Variants in ABCA13 observed in about 807,000 individuals in gnomAD.
ABCA13 encodes ATP-binding cassette sub-family A member 13.
In ABCA13, 476 loss-of-function variants were observed where a neutral mutation model predicts 478.7. The ratio of observed to expected loss-of-function variants is 0.99; its 90% CI spans 0.92 to 1.07. The LOEUF is 1.07. Ranked by LOEUF, ABCA13 falls within the 50% of genes least tolerant of loss-of-function variation. The pLI is 0.00. For missense variants in ABCA13, 6,060 were observed against 5,910.6 expected, an observed-to-expected ratio of 1.03 and a Z score of -0.83; for synonymous variants, 2,252 against 2,158.9, an observed-to-expected ratio of 1.04 and a Z score of -1.20.
intron 53 of ABCA13, among the ~76,000 whole-genome samples, chr7:48,523,541 G>A (rs1299202547): frequency 6.6e-6 from 1 of 151,686 alleles, no homozygotes; most frequent in African/African-American, 2.4e-5. Flanking sequence ...TACTAACTCA[G>A]TCGTTATCAT....
At position 48,239,234 on chromosome 7, in the gene ABCA13, T is replaced by A; in HGVS notation, c.898-7T>A. ...TATGTCTAAATATTTTTTCATATTGTTGTCAGATTCCCACAGACACTTCCT... is the reference window on the plus strand; with the variant it reads ...TATGTCTAAATATTTTTTCATATTGATGTCAGATTCCCACAGACACTTCCT... On this transcript the variant is annotated splice_polypyrimidine_tract_variant and splice_region_variant and intron_variant, in intron 8 of 61. Transcript: ENST00000435803. 6.2e-7 allele frequency: 1 copy of A among 1,613,736 alleles called. No individual in the cohort carries two copies. The highest frequency in any genetic ancestry group is 2.2e-5 in the East Asian group (1 of 44,876).
intron 5 of ABCA13, among the ~76,000 whole-genome samples, chr7:48,226,115 G>T (rs1788171472): frequency 6.6e-6 from 1 of 152,114 alleles, no homozygotes; most frequent in South Asian, 2.1e-4. Context: ...AGAGTGAGGT[G>T]CATAAAGTTG....
chr7:48,626,674 G>A lies in ABCA13; in HGVS notation c.14837+11297G>A, dbSNP rs74797080. Reference sequence around the variant, plus strand: ...AGAAGGCAGCATGGGTGCAGGAGACGCTGAAGAACACGATAATAGAACTTT... The same window carrying A: ...AGAAGGCAGCATGGGTGCAGGAGACACTGAAGAACACGATAATAGAACTTT... On this transcript the variant is annotated intron_variant, in intron 59 of 61. Coordinates refer to ENST00000435803, the MANE Select transcript of ABCA13 (RefSeq NM_152701.5). The A allele has an allele frequency of 3.8e-3, 3,710 of 985,452 alleles. 100 individuals are homozygous for A. In the African/African-American group the frequency reaches 0.058, roughly 15 times the overall value. 61.0% of individuals were successfully genotyped at this position (985,452 alleles called of 1,614,324 possible). A position where few individuals can be genotyped will look rare whatever the true frequency, so the allele number is the denominator to read the frequency against.
At chr7:48,327,554 A>G (rs929963168) in intron 27 of ABCA13, among the ~76,000 whole-genome samples, 1 of 152,234 alleles carries the variant, frequency 6.6e-6, no homozygotes, top group Admixed American at 6.5e-5. Context: ...GGGAGTAGAC[A>G]TTGTTAAATC....
At chr7:48,212,153 G>C (rs1006706933) in intron 3 of ABCA13, among the ~76,000 whole-genome samples, 1 of 152,112 alleles carries the variant, frequency 6.6e-6, no homozygotes, top group African/African-American at 2.4e-5. Flanking sequence ...TCTGGCTCAG[G>C]GCTGGTCTAA....
At chr7:48,245,177 G>GC (rs1234268822) in intron 11 of ABCA13, among the ~76,000 whole-genome samples, 2 of 152,204 alleles carry the variant, frequency 1.3e-5, no homozygotes, top group Non-Finnish European at 2.9e-5. Flanking sequence ...ACTATGGTGA[G>GC]CATTATTCTT....
chr7:48,264,914 T>C (rs1003010642), intron 15 of ABCA13, among the ~76,000 whole-genome samples: 1 of 151,806 alleles, frequency 6.6e-6, no homozygotes, highest in Non-Finnish European at 1.5e-5. Context: ...AATAGATTTA[T>C]GTCCTAAATT....
At chr7:48,490,780 A>AG (rs1829771052) in intron 48 of ABCA13, among the ~76,000 whole-genome samples, 1 of 152,204 alleles carries the variant, frequency 6.6e-6, no homozygotes, top group Non-Finnish European at 1.5e-5. Flanking sequence ...CATGATGAAG[A>AG]GTATGGACTT....
intron 42 of ABCA13, among the ~76,000 whole-genome samples, chr7:48,433,419 G>A (rs757893705): frequency 3.4e-4 from 51 of 149,452 alleles, no homozygotes; most frequent in Non-Finnish European, 5.6e-4. Flanking sequence ...AAATTAACTA[G>A]CAAATGTGTT....
At chr7:48,564,847 T>C (rs907365053) in intron 55 of ABCA13, among the ~76,000 whole-genome samples, 2 of 152,118 alleles carry the variant, frequency 1.3e-5, no homozygotes, top group Non-Finnish European at 2.9e-5. Flanking sequence ...TTACAGACAA[T>C]TGTTATGTGA....
At chr7:48,529,975 G>A (rs1833115214) in intron 55 of ABCA13, among the ~76,000 whole-genome samples, 1 of 152,020 alleles carries the variant, frequency 6.6e-6, no homozygotes, top group South Asian at 2.1e-4. Context: ...ACATGAATAA[G>A]TTCTTTAGTG....
intron 55 of ABCA13, among the ~76,000 whole-genome samples, chr7:48,532,791 G>A (rs1371243859): frequency 2.0e-5 from 3 of 151,994 alleles, no homozygotes; most frequent in Admixed American, 2.0e-4. Context: ...TTATGTGTGT[G>A]AAGGTGTTTA....
chr7:48,361,470 TC>T (rs1810823358), intron 31 of ABCA13, among the ~76,000 whole-genome samples: 3 of 151,922 alleles, frequency 2.0e-5, no homozygotes, highest in Admixed American at 2.0e-4. Flanking sequence ...TTCTGTTTTC[TC>T]AAAGAACCCT....
intron 19 of ABCA13, among the ~76,000 whole-genome samples, chr7:48,285,437 C>T (rs373370174): frequency 3.9e-5 from 6 of 152,246 alleles, no homozygotes; most frequent in African/African-American, 7.2e-5. Context: ...TTGTTAGTGT[C>T]GAGACAGTTG....
At chr7:48,172,412 T>C (rs1794209983) in intron 1 of ABCA13, among the ~76,000 whole-genome samples, 1 of 152,230 alleles carries the variant, frequency 6.6e-6, no homozygotes, top group Non-Finnish European at 1.5e-5. Flanking sequence ...TCTATCTCTC[T>C]GTCTTGAAAT....
At chr7:48,522,003 G>A (rs1244968304) in intron 53 of ABCA13, among the ~76,000 whole-genome samples, 1 of 151,938 alleles carries the variant, frequency 6.6e-6, no homozygotes, top group Non-Finnish European at 1.5e-5. Context: ...GGTGCCTTCT[G>A]CTCAGTGAAG....
chr7:48,615,574 G>A (rs1032033085), intron 59 of ABCA13, among the ~76,000 whole-genome samples, 197 bp downstream of exon 59: 2 of 144,894 alleles, frequency 1.4e-5, no homozygotes, highest in Non-Finnish European at 3.0e-5. Flanking sequence ...ACAGTCTAGT[G>A]TTCTCCCTGT....
rs1322751537 is a variant in ABCA13, at chr7:48,279,662, T to C, written c.8468T>C (p.Ile2823Thr). 6.2e-7 allele frequency: 1 copy of C among 1,613,542 alleles called. No homozygotes were observed. Among genetic ancestry groups the C allele is most frequent in the South Asian group, 1.1e-5 (1 of 90,970 alleles). ...GCAATCCATAATGTTTTAAGTAGAA[T>C]AGCTCTCTGGAGGAAAGGACTTCTG... is the stretch of plus-strand genomic sequence containing the variant. The part of the protein sequence containing the change: ...EKAIHNVLSR[I>T]ALWRKGLLFN... The change falls in exon 18 of 62, where the codon ATA becomes ACA. Residue 2823 changes from isoleucine to threonine, a missense_variant. Coordinates refer to ENST00000435803, the MANE Select transcript of ABCA13 (RefSeq NM_152701.5).
chr7:48,424,523 G>T (rs1389682644), intron 41 of ABCA13, among the ~76,000 whole-genome samples: 1 of 152,254 alleles, frequency 6.6e-6, no homozygotes, highest in Non-Finnish European at 1.5e-5. Context: ...ATTATTTGAG[G>T]ACCTGCTGTA....
Sources: gnomAD v4.1 joint callset for allele counts (sites outside exome capture counted in the v4.1 genomes callset) on GRCh38, gnomAD v4.1.1 for gene constraint, MANE v1.5 for transcripts, NCBI Gene and HGNC (gene_info 2026-07-23, HGNC 2026-07-21) for gene names.